The following NCAM2 variants were observed in gnomAD, a reference collection of about 807,000 sequenced individuals.
The protein encoded by NCAM2 is neural cell adhesion molecule 2.
In NCAM2, 30 loss-of-function variants were observed where a neutral mutation model predicts 98.1. The observed-to-expected ratio is 0.31, with a 90% CI of 0.23 to 0.41. The LOEUF (loss-of-function observed/expected upper bound fraction) is 0.41. NCAM2 is among the 10% of genes least tolerant of loss of function. The pLI is 1.00. For synonymous variants in NCAM2, 368 were observed against 342.4 expected (o/e 1.07, Z -0.83); for missense variants, 867 against 1,005.8 (o/e 0.86, Z 1.87).
At chr21:21,289,193 T>C (rs1236361479) in intron 4 of NCAM2, among the ~76,000 whole-genome samples, 1 of 151,940 alleles carries the variant, frequency 6.6e-6, no homozygotes, top group African/African-American at 2.4e-5. Flanking sequence ...ATACAATTTT[T>C]ATATAACCTA....
At chr21:21,001,988 G>A (rs533722653) in intron 1 of NCAM2, among the ~76,000 whole-genome samples, 98 of 152,192 alleles carry the variant, frequency 6.4e-4, no homozygotes, top group African/African-American at 1.3e-3. Flanking sequence ...ATCTTCTGTC[G>A]GGGCTGTTAC....
chr21:21,221,462 T>C (rs1601687420), intron 1 of NCAM2, among the ~76,000 whole-genome samples: 1 of 82 alleles, frequency 0.012, no homozygotes, highest in Non-Finnish European at 0.021. Flanking sequence ...AAGGAGAGTT[T>C]TGGAGGAAAC....
intron 5 of NCAM2, among the ~76,000 whole-genome samples, chr21:21,311,867 G>A (rs1197000304): frequency 1.3e-5 from 2 of 151,970 alleles, no homozygotes; most frequent in African/African-American, 4.8e-5. Context: ...TCCTTTGACT[G>A]TGTTACACTC....
At chr21:21,163,335 G>C (rs907544334) in intron 1 of NCAM2, among the ~76,000 whole-genome samples, 5 of 152,156 alleles carry the variant, frequency 3.3e-5, no homozygotes, top group African/African-American at 9.6e-5. Context: ...GCTCTAGAGG[G>C]ATGTAGGAAG....
intron 16 of NCAM2, 70 bp from the exon 17 acceptor site, chr21:21,534,467 A>G (rs1989876238): frequency 7.7e-7 from 1 of 1,292,954 alleles, no homozygotes; most frequent in Non-Finnish European, 1.0e-6. Context: ...GTGATTTTAA[A>G]CTCTGTTTTT....
chr21:21,034,059 G>C lies in NCAM2; in HGVS notation c.55+35441G>C, dbSNP rs187580232. ...GAGATAAGAGATAGGCAAAGGGGGG[G>C]GGGAAACAAAGATTGAGATAAGCAG... On this transcript the variant is annotated intron_variant, in intron 1 of 17. Transcript: ENST00000400546. Among the ~76,000 whole-genome samples the C allele has an allele frequency of 7.7e-3, 1,157 of 150,320 alleles. 18 individuals carry two copies. Among genetic ancestry groups the C allele is most frequent in the African/African-American group, 0.027 (1,101 of 41,024 alleles).
Position 21,284,400 on chromosome 21 carries a change from C to G in NCAM2, c.337C>G (p.Gln113Glu). Residue 113 changes from glutamine (Q) to glutamate (E), a missense_variant and splice_region_variant, in exon 3 of 18, where the codon CAA becomes GAA. By Grantham distance (29) the Gln-to-Glu change is conservative. Coordinates refer to ENST00000400546, the MANE Select transcript of NCAM2 (RefSeq NM_004540.5). ...AGCTACAGTAGTTTTGGAAATTTAC[C>G]GTAAGTAATGTATTTATATGTTTTA... ...QEATVVLEIY[Q>E]KLTFREVVSP... 6.3e-7 allele frequency: 1 copy of G among 1,599,990 alleles called. No homozygotes were observed. Among genetic ancestry groups the G allele is most frequent in the Non-Finnish European group, 8.6e-7 (1 of 1,168,594 alleles).
intron 1 of NCAM2, among the ~76,000 whole-genome samples, chr21:21,078,128 G>T (rs2065717881): frequency 6.6e-6 from 1 of 151,964 alleles, no homozygotes; most frequent in Non-Finnish European, 1.5e-5. Flanking sequence ...GAGTTTATTT[G>T]ATTTTGTTTT....
intron 1 of NCAM2, among the ~76,000 whole-genome samples, chr21:21,221,748 A>G (rs1000722166): frequency 2.0e-4 from 30 of 152,206 alleles, no homozygotes; most frequent in African/African-American, 7.2e-4. Flanking sequence ...GGAAATAGTG[A>G]TGGAGAAGCT....
intron 1 of NCAM2, among the ~76,000 whole-genome samples, chr21:21,027,418 T>A (rs1023072250): frequency 2.6e-5 from 4 of 152,226 alleles, no homozygotes; most frequent in African/African-American, 9.6e-5. Context: ...ACTATAAGTT[T>A]CATTCAGAGA....
chr21:21,028,394 A>C (rs1009716062), intron 1 of NCAM2, among the ~76,000 whole-genome samples: 12 of 152,204 alleles, frequency 7.9e-5, no homozygotes, highest in African/African-American at 2.4e-4. Flanking sequence ...TTTACTTATA[A>C]GATTCTTTAA....
intron 8 of NCAM2, among the ~76,000 whole-genome samples, chr21:21,359,562 A>G: frequency 6.6e-6 from 1 of 152,004 alleles, no homozygotes; most frequent in South Asian, 2.1e-4. Flanking sequence ...TTTCACTTAA[A>G]AAAACTGTCG....
At chr21:21,522,220 T>C (rs1189024962) in intron 16 of NCAM2, among the ~76,000 whole-genome samples, 1 of 147,982 alleles carries the variant, frequency 6.8e-6, no homozygotes, top group Non-Finnish European at 1.5e-5. Context: ...TATATATGAA[T>C]GACTATTATA....
chr21:21,096,576 G>A (rs1195673383), intron 1 of NCAM2, among the ~76,000 whole-genome samples: 3 of 151,672 alleles, frequency 2.0e-5, no homozygotes, highest in Admixed American at 6.6e-5. Flanking sequence ...AATAATAGTT[G>A]AAGTAGTGTT....
At chr21:21,454,056 A>G (rs1329994837) in intron 12 of NCAM2, among the ~76,000 whole-genome samples, 1 of 152,080 alleles carries the variant, frequency 6.6e-6, no homozygotes, top group Non-Finnish European at 1.5e-5. Context: ...GTGGAAATTA[A>G]TTGATCTAAC....
intron 16 of NCAM2, among the ~76,000 whole-genome samples, chr21:21,510,864 A>G (rs914305579): frequency 1.3e-5 from 2 of 152,002 alleles, no homozygotes; most frequent in Non-Finnish European, 2.9e-5. Flanking sequence ...GAGCATGCCC[A>G]TTTTTAACGC....
chr21:21,210,873 G>C (rs1457154223), intron 1 of NCAM2, among the ~76,000 whole-genome samples: 11 of 151,028 alleles, frequency 7.3e-5, no homozygotes, highest in Non-Finnish European at 1.3e-4. Context: ...GAGGGGGAGA[G>C]TTGGGAGGGT....
chr21:21,463,172 T>C (rs1042373941), intron 12 of NCAM2, among the ~76,000 whole-genome samples: 1 of 152,136 alleles, frequency 6.6e-6, no homozygotes, highest in African/African-American at 2.4e-5. Flanking sequence ...GTTCAGAAAC[T>C]CTTGTTTGGT....
At chr21:21,404,493 G>A (rs1438375321) in intron 9 of NCAM2, among the ~76,000 whole-genome samples, 1 of 152,074 alleles carries the variant, frequency 6.6e-6, no homozygotes, top group Non-Finnish European at 1.5e-5. Flanking sequence ...TTCCCCTTCT[G>A]CCACGACTGT....
Sources: gnomAD v4.1 joint callset for allele counts (sites outside exome capture counted in the v4.1 genomes callset) on GRCh38, gnomAD v4.1.1 for gene constraint, MANE v1.5 for transcripts, NCBI Gene and HGNC (gene_info 2026-07-23, HGNC 2026-07-21) for gene names.